The following THOC5 variants were observed in gnomAD, a reference collection of about 807,000 sequenced individuals.
THOC5 encodes Fms-interacting protein.
THOC5 carries 43 observed loss-of-function variants against 92.9 expected under a neutral mutation model. That is an observed-to-expected ratio of 0.46 (90% CI 0.36 to 0.60). THOC5 has a LOEUF of 0.60. THOC5 is among the 20% of genes least tolerant of loss of function. The pLI is 0.00. For synonymous variants in THOC5, 296 were observed against 320.1 expected (o/e 0.92, Z 0.80); for missense variants, 659 against 849.4 (o/e 0.78, Z 2.79).
chr22:29,530,142 C>CA (rs34669031), intron 8 of THOC5, among the ~76,000 whole-genome samples: 40,953 of 144,156 alleles, frequency 0.28, 6,508 homozygotes, highest in Admixed American at 0.42. Context: ...GACTCTGTCT[C>CA]AAAAAAAAAA....
At chr22:29,528,669 A>G (rs1362500238) in intron 9 of THOC5, among the ~76,000 whole-genome samples, 1 of 149,142 alleles carries the variant, frequency 6.7e-6, no homozygotes, top group Admixed American at 6.7e-5. Flanking sequence ...ATGACGTATA[A>G]CTCATTTTTT....
Position 29,539,428 on chromosome 22 carries a change from C to T in THOC5, c.501G>A (p.Lys167=), listed in dbSNP as rs2063833168. The T allele has an allele frequency of 6.2e-7, 1 of 1,613,978 alleles. No homozygotes were observed. The highest frequency in any genetic ancestry group is 1.1e-5 in the South Asian group (1 of 91,082). Residue 167 remains lysine (K), a synonymous_variant, in exon 6 of 20, where the codon AAG becomes AAA. Transcript: ENST00000490103. The part of the protein sequence containing the change: ...IDLVSLEEFY[K]EAPPDISKAE... The stretch of plus-strand genomic sequence containing the variant: ...CCTTGCTGATATCTGGTGGAGCCTC[C>T]TTATAAAACTCCTCTAAACTGACCA...
intron 19 of THOC5, among the ~76,000 whole-genome samples, chr22:29,509,813 A>G (rs5763291): frequency 0.13 from 17,086 of 127,632 alleles, 556 homozygotes; most frequent in Middle Eastern, 0.19. Context: ...GGAACAGAGA[A>G]CAAGGTGAGG....
Position 29,511,805 on chromosome 22 carries a change from AG to A in THOC5, c.1797+215del, listed in dbSNP as rs201029696. Among the ~76,000 whole-genome samples, 1,018 of 152,278 alleles carry A rather than the reference AG, an allele frequency of 6.7e-3. 10 individuals are homozygous for A. Among genetic ancestry groups the A allele is most frequent in the African/African-American group, 0.023 (958 of 41,540 alleles). ...GGTAGGTATTTCTCCTTACTCTCTA[AG>A]TGGGGAAACCTGTGGACCCCAAGGT... is the stretch of plus-strand genomic sequence containing the variant. On this transcript the variant is annotated intron_variant, in intron 18 of 19. Transcript: ENST00000490103.
intron 8 of THOC5, chr22:29,531,404 C>G: frequency 1.0e-6 from 1 of 999,132 alleles, no homozygotes; most frequent in Non-Finnish European, 1.2e-6. Context: ...AAATTCACAA[C>G]AAAGACATGC....
At position 29,529,246 on chromosome 22, in the gene THOC5, G is replaced by A; in HGVS notation, c.848-7C>T. 2 of 1,614,132 alleles carry A rather than the reference G, an allele frequency of 1.2e-6. No homozygotes were observed. The highest frequency in any genetic ancestry group is 1.7e-6 in the Non-Finnish European group (2 of 1,179,992). On this transcript the variant is annotated splice_polypyrimidine_tract_variant and splice_region_variant and intron_variant, in intron 8 of 19. Transcript: ENST00000490103. ...GCCACAGATAACGTCTTATCTGGGG[G>A]GCAAGAAGAAGTCTGTTAGGAAAGC...
At chr22:29,528,046 A>T in intron 11 of THOC5, 32 bp downstream of exon 11, 1 of 1,610,468 alleles carries the variant, frequency 6.2e-7, no homozygotes, top group Non-Finnish European at 8.5e-7. Flanking sequence ...TAGGTGCTAC[A>T]GATCCCTTAA....
chr22:29,511,391 G>A lies in THOC5; in HGVS notation c.1798-95C>T, dbSNP rs575633385. 52 of 1,404,836 alleles carry A rather than the reference G, an allele frequency of 3.7e-5. 1 individual carries two copies. In the Admixed American group the frequency reaches 9.9e-4, roughly 27 times the overall value. 87.0% of individuals were successfully genotyped at this position (1,404,836 alleles called of 1,614,324 possible). On this transcript the variant is annotated intron_variant, in intron 18 of 19. Coordinates refer to ENST00000490103, the MANE Select transcript of THOC5 (RefSeq NM_003678.5). ...CCGTCCCTGGATGGGCCCGAGCGCTGATGCCTCTGCAGGGGCTGGGCCAGG... is the reference window on the plus strand; with the variant it reads ...CCGTCCCTGGATGGGCCCGAGCGCTAATGCCTCTGCAGGGGCTGGGCCAGG...
intron 6 of THOC5, among the ~76,000 whole-genome samples, chr22:29,537,612 C>A (rs1337188054): frequency 1.3e-5 from 2 of 152,100 alleles, no homozygotes; most frequent in African/African-American, 2.4e-5. Context: ...CAAAAATTGG[C>A]CGGGCACAGT....
chr22:29,511,293 T>C lies in THOC5; in HGVS notation c.1801A>G (p.Met601Val). Reference protein sequence around the residue: ...TNSNDDNIRAMEGEVNVCYKE... With the variant: ...TNSNDDNIRAVEGEVNVCYKE... Reference sequence around the variant, plus strand: ...TAGCACACATTGACTTCGCCCTCCATGGCCTGTGTGATAGGAAAGCCAGCA... The same window carrying C: ...TAGCACACATTGACTTCGCCCTCCACGGCCTGTGTGATAGGAAAGCCAGCA... Residue 601 changes from methionine to valine, a missense_variant, in exon 19 of 20, where the codon ATG becomes GTG. Physicochemically the swap from Met to Val is conservative, Grantham distance 21. Transcript: ENST00000490103. 1 of 1,610,386 alleles carries C rather than the reference T, an allele frequency of 6.2e-7. No homozygotes were observed. Among genetic ancestry groups the C allele is most frequent in the East Asian group, 2.2e-5 (1 of 44,820 alleles).
intron 8 of THOC5, among the ~76,000 whole-genome samples, chr22:29,530,363 A>T (rs921260695): frequency 4.0e-5 from 6 of 151,844 alleles, no homozygotes; most frequent in Admixed American, 1.3e-4. Flanking sequence ...TACTAAATAT[A>T]TAAAAATTAG....
At chr22:29,531,128 A>G (rs942444987) in intron 8 of THOC5, 3 of 1,178,406 alleles carry the variant, frequency 2.5e-6, no homozygotes, top group Non-Finnish European at 2.2e-6. Context: ...TGGAAACAGG[A>G]GGGAGAACAA....
At chr22:29,544,283 G>C (rs1035675783) in intron 3 of THOC5, among the ~76,000 whole-genome samples, 177 bp downstream of exon 3, 1 of 152,164 alleles carries the variant, frequency 6.6e-6, no homozygotes, top group African/African-American at 2.4e-5. Flanking sequence ...TGTAATTGGT[G>C]ACTGAATGGT....
At chr22:29,538,256 A>G (rs889888968) in intron 6 of THOC5, among the ~76,000 whole-genome samples, 2 of 151,914 alleles carry the variant, frequency 1.3e-5, no homozygotes, top group African/African-American at 4.8e-5. Context: ...TGCTGGGATT[A>G]CAGACGTGAG....
At chr22:29,532,380 C>T (rs374669735) in intron 7 of THOC5, among the ~76,000 whole-genome samples, 1 of 152,146 alleles carries the variant, frequency 6.6e-6, no homozygotes, top group African/African-American at 2.4e-5. Context: ...TAAGAATAAA[C>T]AGGCCGGGCA....
In THOC5 at chr22:29,525,823, G is replaced by C. The variant is rs2063531536; in HGVS notation, c.1175+15C>G. 6.2e-7 allele frequency: 1 copy of C among 1,606,392 alleles called. No individual in the cohort carries two copies. Among genetic ancestry groups the C allele is most frequent in the Non-Finnish European group, 8.5e-7 (1 of 1,173,778 alleles). On this transcript the variant is annotated intron_variant, in intron 12 of 19. Coordinates refer to ENST00000490103, the MANE Select transcript of THOC5 (RefSeq NM_003678.5). ...CCCATCCCGCACGTCATTGCCCAGA[G>C]CGCCTGCTCAATACCCTGCACTGAT...
rs1345323199 is a variant in THOC5 at position 29,531,917 on chromosome 22, G to A, written c.761C>T (p.Ala254Val). ...QEYLFMPFDQ[A>V]HKQYETARHL... is the part of the protein sequence containing the mutation. Reference sequence around the variant, plus strand: ...TCTGGCTGTCTCATACTGCTTGTGAGCCTGGTCGAATGGCATAAACAGGTA... The same window carrying A: ...TCTGGCTGTCTCATACTGCTTGTGAACCTGGTCGAATGGCATAAACAGGTA... Residue 254 changes from alanine (A) to valine (V), a missense_variant, in exon 8 of 20, where the codon GCT becomes GTT. Ala to Val is a moderately conservative substitution (Grantham distance 64). Transcript: ENST00000490103. 6.2e-7 allele frequency: 1 copy of A among 1,614,208 alleles called. No individual in the cohort carries two copies. Among genetic ancestry groups the A allele is most frequent in the Admixed American group, 1.7e-5 (1 of 60,018 alleles).
At chr22:29,549,346 C>CT (rs1349104892) in intron 1 of THOC5, among the ~76,000 whole-genome samples, 188 bp from the exon 2 acceptor site, 1 of 152,164 alleles carries the variant, frequency 6.6e-6, no homozygotes, top group African/African-American at 2.4e-5. Context: ...TCCACCTTCT[C>CT]TTTTAAAAAG....
Position 29,549,053 on chromosome 22 carries a change from T to C in THOC5, c.95A>G (p.Gln32Arg). ...EGKRNRSDTE[Q>R]EGKYYSEEAE... is the part of the protein sequence containing the mutation. ...CATGGCAACCCTGACTGATCTCACC[T>C]GCTCGGTGTCAGATCGATTCCGCTT... is the stretch of plus-strand genomic sequence containing the variant. Residue 32 changes from glutamine to arginine, a missense_variant and splice_region_variant, in exon 2 of 20, where the codon CAG becomes CGG. Gln to Arg is a conservative substitution (Grantham distance 43, BLOSUM62 1). Transcript: ENST00000490103. 6.2e-7 allele frequency: 1 copy of C among 1,614,004 alleles called. No homozygotes were observed. The highest frequency in any genetic ancestry group is 8.5e-7 in the Non-Finnish European group (1 of 1,179,940).
Sources: allele counts gnomAD v4.1 joint callset (sites outside exome capture counted in the v4.1 genomes callset), GRCh38; gene constraint gnomAD v4.1.1; transcripts MANE v1.5; gene names NCBI Gene and HGNC (gene_info 2026-07-23, HGNC 2026-07-21).